Variants in ROR1 observed in about 807,000 individuals in gnomAD.
The protein encoded by ROR1 is ROR family WNT receptor 1.
Under a neutral mutation model 78.8 loss-of-function variants are expected in ROR1, and 19 were observed. That is an observed-to-expected ratio of 0.24 (90% CI 0.17 to 0.35). The LOEUF (loss-of-function observed/expected upper bound fraction) is 0.35. Among genes scored for constraint, ROR1 ranks in the 10% least tolerant of loss-of-function variants. ROR1 has a pLI of 1.00. For missense variants in ROR1, 917 were observed against 1,177.8 expected (o/e 0.78, Z 3.24); for synonymous variants, 386 against 433.6 (o/e 0.89, Z 1.36).
chr1:63,790,590 C>T (rs990583852), intron 1 of ROR1, among the ~76,000 whole-genome samples: 1 of 152,214 alleles, frequency 6.6e-6, no homozygotes, highest in Non-Finnish European at 1.5e-5. Flanking sequence ...CCTTACAATC[C>T]TCCTCTTTCT....
chr1:64,036,549 A>G (rs1259687780), intron 2 of ROR1, among the ~76,000 whole-genome samples: 4 of 152,158 alleles, frequency 2.6e-5, no homozygotes, highest in Non-Finnish European at 5.9e-5. Flanking sequence ...CCATGTTCAT[A>G]TTGAATCTCC....
At chr1:63,876,889 C>T (rs1181595246) in intron 1 of ROR1, among the ~76,000 whole-genome samples, 1 of 151,210 alleles carries the variant, frequency 6.6e-6, no homozygotes, top group Non-Finnish European at 1.5e-5. Context: ...TATATTCTTA[C>T]TTGCCATTGA....
chr1:64,090,441 C>A (rs931227743), intron 4 of ROR1, among the ~76,000 whole-genome samples: 1 of 152,160 alleles, frequency 6.6e-6, no homozygotes. Flanking sequence ...TAAAAAAACT[C>A]TTTGATGCTC....
intron 1 of ROR1, among the ~76,000 whole-genome samples, chr1:63,786,158 A>G (rs778358933): frequency 6.6e-6 from 1 of 151,628 alleles, no homozygotes; most frequent in Non-Finnish European, 1.5e-5. Context: ...AGGTGCAGAG[A>G]AAGTCCAGGA....
chr1:63,927,603 C>T (rs1645715845), intron 1 of ROR1, among the ~76,000 whole-genome samples: 2 of 151,598 alleles, frequency 1.3e-5, no homozygotes, highest in South Asian at 4.2e-4. Context: ...TAGCAGCAGT[C>T]CTGGGGGGAT....
At position 63,902,465 on chromosome 1, in the gene ROR1, A is replaced by G. The variant is rs965870728; in HGVS notation, c.92-106840A>G. ...CCTGAATAGTTGGGACCACAGGCACATGCCACCATGCCCAGCTATTTTTTT... is the reference window on the plus strand; with the variant it reads ...CCTGAATAGTTGGGACCACAGGCACGTGCCACCATGCCCAGCTATTTTTTT... On this transcript the variant is annotated intron_variant, in intron 1 of 8. Transcript: ENST00000371079. Among the ~76,000 whole-genome samples, 9 of 151,914 alleles carry G rather than the reference A, an allele frequency of 5.9e-5. No homozygotes were observed. In the East Asian group the frequency reaches 1.6e-3, roughly 26 times the overall value.
At chr1:64,044,173 G>T (rs937239053) in intron 2 of ROR1, among the ~76,000 whole-genome samples, 1 of 152,084 alleles carries the variant, frequency 6.6e-6, no homozygotes, top group Admixed American at 6.6e-5. Context: ...GACTCATACC[G>T]TTCAGGGCCT....
intron 1 of ROR1, among the ~76,000 whole-genome samples, chr1:63,960,946 A>C (rs914957765): frequency 6.6e-6 from 1 of 152,216 alleles, no homozygotes; most frequent in Non-Finnish European, 1.5e-5. Context: ...CAGGAGAATT[A>C]ACATGACTAT....
chr1:64,015,085 G>A (rs531742264), intron 2 of ROR1, among the ~76,000 whole-genome samples: 1 of 151,912 alleles, frequency 6.6e-6, no homozygotes, highest in Middle Eastern at 3.4e-3. Flanking sequence ...CTACATGGAT[G>A]GTGGCAGGCA....
chr1:63,781,299 G>T (rs1056964585), intron 1 of ROR1, among the ~76,000 whole-genome samples: 6 of 152,130 alleles, frequency 3.9e-5, no homozygotes, highest in Non-Finnish European at 8.8e-5. Context: ...TTTTTTTAAA[G>T]CTATTAAATT....
intron 1 of ROR1, among the ~76,000 whole-genome samples, chr1:64,002,673 T>C (rs755451263): frequency 3.3e-5 from 5 of 152,096 alleles, no homozygotes; most frequent in Non-Finnish European, 7.4e-5. Context: ...TTGAATTTAA[T>C]AGATTTTAAA....
At chr1:63,997,177 C>A (rs923662355) in intron 1 of ROR1, among the ~76,000 whole-genome samples, 13 of 152,104 alleles carry the variant, frequency 8.5e-5, no homozygotes, top group African/African-American at 2.7e-4. Context: ...CCCATCTATG[C>A]CTAGAGTAGG....
chr1:64,156,256 T>C (rs1649766956), intron 7 of ROR1, among the ~76,000 whole-genome samples: 1 of 152,236 alleles, frequency 6.6e-6, no homozygotes, highest in Non-Finnish European at 1.5e-5. Context: ...ACGTAGATAA[T>C]GAAAAGGCAT....
chr1:63,851,323 A>T (rs1159839878), intron 1 of ROR1, among the ~76,000 whole-genome samples: 1 of 152,142 alleles, frequency 6.6e-6, no homozygotes, highest in African/African-American at 2.4e-5. Flanking sequence ...TGCATTAGTC[A>T]TTCCTTCTTC....
chr1:63,778,728 C>T (rs953333834), intron 1 of ROR1, among the ~76,000 whole-genome samples: 2 of 152,154 alleles, frequency 1.3e-5, no homozygotes, highest in Non-Finnish European at 2.9e-5. Flanking sequence ...TCACAACAAC[C>T]CTATAAGGGA....
At chr1:63,887,872 C>T (rs1420471824) in intron 1 of ROR1, among the ~76,000 whole-genome samples, 1 of 152,198 alleles carries the variant, frequency 6.6e-6, no homozygotes, top group African/African-American at 2.4e-5. Context: ...TTGACCACTT[C>T]ACTCTTCTGA....
At chr1:63,815,321 C>T (rs1644883940) in intron 1 of ROR1, among the ~76,000 whole-genome samples, 1 of 151,852 alleles carries the variant, frequency 6.6e-6, no homozygotes, top group Non-Finnish European at 1.5e-5. Context: ...ATTAAGTCTT[C>T]AAATATACAT....
chr1:64,174,116 A>G (rs533268287), intron 8 of ROR1, among the ~76,000 whole-genome samples: 29 of 152,194 alleles, frequency 1.9e-4, no homozygotes, highest in Non-Finnish European at 3.4e-4. Flanking sequence ...CTTTCCTAAT[A>G]AGGATAATAA....
Position 64,180,540 on chromosome 1 carries a change from G to A in ROR1, c.*1685G>A, listed in dbSNP as rs928989973. 1 of 152,192 alleles carries A rather than the reference G, an allele frequency of 6.6e-6. No individual in the cohort carries two copies. Among genetic ancestry groups the A allele is most frequent in the Admixed American group, 6.5e-5 (1 of 15,286 alleles). 9.4% of individuals were successfully genotyped at this position (152,192 alleles called of 1,614,324 possible). On this transcript the variant is annotated 3_prime_UTR_variant, in exon 9 of 9. Transcript: ENST00000371079. ...TAACAAACATGAACTTATAGGTACTGTGAACTAGAAGAATTGGTTATATCC... is the reference window on the plus strand; with the variant it reads ...TAACAAACATGAACTTATAGGTACTATGAACTAGAAGAATTGGTTATATCC...
Sources: allele counts gnomAD v4.1 joint callset (sites outside exome capture counted in the v4.1 genomes callset), GRCh38; gene constraint gnomAD v4.1.1; transcripts MANE v1.5; gene names NCBI Gene and HGNC (gene_info 2026-07-23, HGNC 2026-07-21).